FUT9: variants seen among roughly 807,000 people sequenced by gnomAD.
FUT9 encodes the protein 4-galactosyl-N-acetylglucosaminide 3-alpha-L-fucosyltransferase 9.
In FUT9, 15 loss-of-function variants were observed where a neutral mutation model predicts 29.7. The observed-to-expected ratio is 0.51, with a 90% CI of 0.34 to 0.78. The LOEUF (loss-of-function observed/expected upper bound fraction) is 0.78. Ranked by LOEUF, FUT9 falls within the 30% of genes least tolerant of loss-of-function variation. The pLI is 0.01. For synonymous variants in FUT9, 169 were observed against 153.7 expected (o/e 1.10, Z -0.74); for missense variants, 319 against 425.4 (o/e 0.75, Z 2.20).
intron 2 of FUT9, among the ~76,000 whole-genome samples, chr6:96,121,750 C>A (rs150834661): frequency 1.3e-5 from 2 of 152,100 alleles, no homozygotes; most frequent in African/African-American, 4.8e-5. Flanking sequence ...CAGTAGGATG[C>A]TAATTTAAAA....
chr6:96,140,433 C>T (rs570595910), intron 2 of FUT9, among the ~76,000 whole-genome samples: 4 of 152,280 alleles, frequency 2.6e-5, no homozygotes, highest in East Asian at 1.9e-4. Flanking sequence ...GTTCCAAAGT[C>T]GCTTCCACAT....
At chr6:96,195,830 T>C (rs1290759340) in intron 2 of FUT9, among the ~76,000 whole-genome samples, 3 of 152,190 alleles carry the variant, frequency 2.0e-5, no homozygotes, top group African/African-American at 4.8e-5. Context: ...ATTCAGATTT[T>C]TGCAGAATCC....
intron 2 of FUT9, among the ~76,000 whole-genome samples, chr6:96,129,278 AAAAAAAAAAAAAAACAAAC>A (rs1562135577): frequency 2.7e-5 from 1 of 36,498 alleles, no homozygotes; most frequent in Non-Finnish European, 8.5e-5. Context: ...AAAAAAAAAA[AAAAAAAAAAAAAAACAAAC>A]AACCAGCCAT....
Position 96,203,956 on chromosome 6 carries a change from T to G in FUT9, c.801T>G (p.Pro267=). The change falls in exon 3 of 3, where the codon CCT becomes CCG. Residue 267 remains proline, a synonymous_variant. Transcript: ENST00000302103. ...ATGCTTTTCTGGCTGGCTCTGTACC[T>G]GTTGTTCTGGGACCATCTAGGGAAA... ...LYNAFLAGSV[P]VVLGPSRENY... The G allele has an allele frequency of 6.2e-7, 1 of 1,613,464 alleles. No homozygotes were observed. The highest frequency in any genetic ancestry group is 8.5e-7 in the Non-Finnish European group (1 of 1,179,548).
intron 2 of FUT9, among the ~76,000 whole-genome samples, chr6:96,178,912 T>C (rs1344193143): frequency 6.6e-6 from 1 of 152,024 alleles, no homozygotes; most frequent in African/African-American, 2.4e-5. Flanking sequence ...TGAAAAAAAA[T>C]ATGTCCTTTT....
At position 96,145,204 on chromosome 6, in the gene FUT9, C is replaced by T. The variant is rs534927912; in HGVS notation, c.-9+31077C>T. Among the ~76,000 whole-genome samples the T allele has an allele frequency of 1.2e-4, 19 of 152,186 alleles. No individual in the cohort carries two copies. The South Asian group carries it at 3.3e-3, about 27-fold the overall frequency. ...TCCTGAGTAGCTGGGACTACAGGTG[C>T]CCGCTGCCAATCCCAGATAATTTTT... On this transcript the variant is annotated intron_variant, in intron 2 of 2. Transcript: ENST00000302103.
intron 2 of FUT9, among the ~76,000 whole-genome samples, chr6:96,185,771 A>G (rs1437144299): frequency 6.6e-6 from 1 of 152,056 alleles, no homozygotes; most frequent in East Asian, 1.9e-4. Context: ...CATTTTTTCT[A>G]TTGTGTTCAC....
intron 2 of FUT9, among the ~76,000 whole-genome samples, chr6:96,120,242 A>C (rs1771996568): frequency 6.9e-6 from 1 of 145,550 alleles, no homozygotes; most frequent in Non-Finnish European, 1.5e-5. Flanking sequence ...GTTCCTTTTT[A>C]TAAGACCCAC....
intron 1 of FUT9, among the ~76,000 whole-genome samples, chr6:96,027,704 T>C (rs1770191807): frequency 6.6e-6 from 1 of 151,670 alleles, no homozygotes; most frequent in Admixed American, 6.6e-5. Flanking sequence ...TGCAGTGAAC[T>C]TGAAGGATCA....
At chr6:96,067,668 G>T (rs1358331102) in intron 1 of FUT9, among the ~76,000 whole-genome samples, 16 of 152,100 alleles carry the variant, frequency 1.1e-4, no homozygotes, top group African/African-American at 3.9e-4. Context: ...GGATGACTCT[G>T]ATGCTTTTAG....
intron 1 of FUT9, among the ~76,000 whole-genome samples, chr6:96,080,436 CTGAAG>C (rs1396718691): frequency 1.3e-5 from 2 of 151,818 alleles, no homozygotes; most frequent in African/African-American, 4.8e-5. Context: ...GAAGAAAGAA[CTGAAG>C]TGAAGCAAAG....
At chr6:96,021,639 T>C (rs1179899603) in intron 1 of FUT9, among the ~76,000 whole-genome samples, 1 of 152,076 alleles carries the variant, frequency 6.6e-6, no homozygotes, top group Admixed American at 6.6e-5. Flanking sequence ...TGAATGTTTA[T>C]TGAACAGTTG....
chr6:96,159,459 T>C (rs139777185), intron 2 of FUT9, among the ~76,000 whole-genome samples: 217 of 152,266 alleles, frequency 1.4e-3, no homozygotes, highest in African/African-American at 4.9e-3. Flanking sequence ...ATTATTAAGA[T>C]GGGTTCTACA....
intron 1 of FUT9, among the ~76,000 whole-genome samples, chr6:96,026,571 T>C (rs558726085): frequency 2.0e-5 from 3 of 151,838 alleles, no homozygotes; most frequent in East Asian, 1.9e-4. Context: ...AAATGTGTTA[T>C]TACATATTTC....
chr6:96,136,726 G>A (rs750315333), intron 2 of FUT9, among the ~76,000 whole-genome samples: 8 of 151,900 alleles, frequency 5.3e-5, no homozygotes, highest in Non-Finnish European at 1.0e-4. Context: ...CCAAAGAAAT[G>A]TAGTCATAAG....
At chr6:96,119,585 T>C (rs531221096) in intron 2 of FUT9, among the ~76,000 whole-genome samples, 1 of 152,344 alleles carries the variant, frequency 6.6e-6, no homozygotes, top group African/African-American at 2.4e-5. Flanking sequence ...TAAATAACAA[T>C]GTTCCCTGCT....
At chr6:96,136,422 A>G (rs1772350582) in intron 2 of FUT9, among the ~76,000 whole-genome samples, 1 of 151,930 alleles carries the variant, frequency 6.6e-6, no homozygotes, top group Non-Finnish European at 1.5e-5. Context: ...GATACAATTA[A>G]AAGTTTTGAC....
chr6:96,212,408 TAA>T lies in FUT9; in HGVS notation c.*8175_*8176del. 2.4e-6 allele frequency: 1 copy of T among 412,282 alleles called. No individual in the cohort carries two copies. The highest frequency in any genetic ancestry group is 3.6e-5 in the East Asian group (1 of 28,042). The allele number at this position is 412,282 out of a possible 1,614,324, so 25.5% of individuals were successfully genotyped here. On this transcript the variant is annotated 3_prime_UTR_variant, in exon 3 of 3. Coordinates refer to ENST00000302103, the MANE Select transcript of FUT9 (RefSeq NM_006581.4). The stretch of plus-strand genomic sequence containing the variant: ...AATGAAGATTATCTGATTGTCTATG[TAA>T]ACCTGGAAGTAGTCTACTTTTTAGA...
At chr6:96,160,396 A>C (rs1248006601) in intron 2 of FUT9, among the ~76,000 whole-genome samples, 1 of 152,178 alleles carries the variant, frequency 6.6e-6, no homozygotes, top group East Asian at 1.9e-4. Flanking sequence ...TTTGATTTCC[A>C]TTACTATCCA....
Sources: allele counts gnomAD v4.1 joint callset (sites outside exome capture counted in the v4.1 genomes callset), GRCh38; gene constraint gnomAD v4.1.1; transcripts MANE v1.5; gene names NCBI Gene and HGNC (gene_info 2026-07-23, HGNC 2026-07-21).